Variants in SAFB2 observed in about 807,000 individuals in gnomAD.
The protein encoded by SAFB2 is scaffold attachment factor B2.
SAFB2 carries 32 observed loss-of-function variants against 100.6 expected under a neutral mutation model. That is an observed-to-expected ratio of 0.32 (90% CI 0.24 to 0.43). The LOEUF is 0.43. Among genes scored for constraint, SAFB2 ranks in the 20% least tolerant of loss-of-function variants. The probability of loss-of-function intolerance (pLI) is 1.00; values close to 1 mark genes in which losing one functional copy is unlikely to be tolerated. For synonymous variants in SAFB2, 500 were observed against 439.4 expected (o/e 1.14, Z -1.72); for missense variants, 1,185 against 1,163.4 (o/e 1.02, Z -0.27).
At chr19:5,613,438 G>C (rs1477635081) in intron 5 of SAFB2, 27 bp downstream of exon 5, 1 of 1,590,820 alleles carries the variant, frequency 6.3e-7, no homozygotes, top group Non-Finnish European at 8.6e-7. Flanking sequence ...AACATTTCCA[G>C]CGATGCAGAA....
chr19:5,594,181 G>GC lies in SAFB2; in HGVS notation c.1920-4dup, dbSNP rs1458978362. 1.3e-6 allele frequency: 2 copies of GC among 1,586,574 alleles called. No individual in the cohort carries two copies. On this transcript the variant is annotated splice_region_variant and splice_polypyrimidine_tract_variant and intron_variant, in intron 14 of 20. Transcript: ENST00000252542. ...CCCGCTCCCGCTGCTCGCGCTCCCT[G>GC]CGGGGACAGGTGAGGCTGCCCTGAA...
intron 15 of SAFB2, 80 bp downstream of exon 15, chr19:5,593,811 G>A: frequency 2.2e-6 from 3 of 1,340,784 alleles, no homozygotes; most frequent in South Asian, 3.3e-5. Context: ...GGGACGGAAG[G>A]GAAGCCGCTG....
At chr19:5,609,922 AC>A in intron 9 of SAFB2, 72 bp downstream of exon 9, 1 of 1,314,714 alleles carries the variant, frequency 7.6e-7, no homozygotes, top group South Asian at 1.2e-5. Context: ...ATAGACGTGA[AC>A]CACCGTGCCC....
intron 13 of SAFB2, 71 bp from the exon 14 acceptor site, chr19:5,595,568 G>A (rs2052519354): frequency 7.2e-6 from 11 of 1,537,586 alleles, no homozygotes; most frequent in East Asian, 6.7e-5. Context: ...GATTATGCAC[G>A]TGTGCATGAG....
chr19:5,605,070 G>A, intron 9 of SAFB2, 134 bp from the exon 10 acceptor site: 1 of 1,023,330 alleles, frequency 9.8e-7, no homozygotes, highest in Non-Finnish European at 1.4e-6. Context: ...TTTAGTTACT[G>A]AATTGGTTCT....
chr19:5,604,705 A>G lies in SAFB2; in HGVS notation c.1447-10T>C, dbSNP rs2052736190. ...CAGGCTCATTTTTGGCCTAAAATAT[A>G]ATAGACAGAAATGATGTGTGGCCCA... On this transcript the variant is annotated splice_polypyrimidine_tract_variant and intron_variant, in intron 10 of 20. Transcript: ENST00000252542. 1 of 1,614,104 alleles carries G rather than the reference A, an allele frequency of 6.2e-7. No individual in the cohort carries two copies. The highest frequency in any genetic ancestry group is 1.3e-5 in the African/African-American group (1 of 75,038).
At chr19:5,604,160 T>C (rs1343264184) in intron 11 of SAFB2, among the ~76,000 whole-genome samples, 1 of 152,188 alleles carries the variant, frequency 6.6e-6, no homozygotes, top group African/African-American at 2.4e-5. Context: ...CCTGTAATCC[T>C]AGCACTTTGA....
At position 5,587,838 on chromosome 19, in the gene SAFB2, C is replaced by T; in HGVS notation, c.2638+30G>A. 1 of 1,588,580 alleles carries T rather than the reference C, an allele frequency of 6.3e-7. No individual in the cohort carries two copies. The highest frequency in any genetic ancestry group is 8.6e-7 in the Non-Finnish European group (1 of 1,166,498). On this transcript the variant is annotated intron_variant, in intron 19 of 20. Transcript: ENST00000252542. The surrounding 1 kb of genome is among the most constrained non-coding windows in gnomAD (Gnocchi z 4.9). ...CCCTGGACACATGTGGGGGCCACAG[C>T]CACCCTCGTCCCTGGAGCCAGCCCC... is the stretch of plus-strand genomic sequence containing the variant.
intron 12 of SAFB2, among the ~76,000 whole-genome samples, 172 bp from the exon 13 acceptor site, chr19:5,599,056 G>A (rs1003829058): frequency 6.6e-6 from 1 of 152,082 alleles, no homozygotes; most frequent in Non-Finnish European, 1.5e-5. Flanking sequence ...ACGGTAACAC[G>A]GGCACAGCAT....
At chr19:5,591,647 G>T in intron 17 of SAFB2, 101 bp downstream of exon 17, 1 of 1,144,544 alleles carries the variant, frequency 8.7e-7, no homozygotes, top group Non-Finnish European at 1.3e-6. Flanking sequence ...TGACTTGGTT[G>T]CCACCTCTCT....
chr19:5,595,608 G>T, intron 13 of SAFB2, 111 bp from the exon 14 acceptor site: 1 of 1,348,730 alleles, frequency 7.4e-7, no homozygotes, highest in Non-Finnish European at 1.0e-6. Flanking sequence ...ACATGGTGTA[G>T]ATGGAAGGCT....
chr19:5,613,364 G>A (rs1219408415), intron 5 of SAFB2, 101 bp downstream of exon 5: 1 of 1,040,316 alleles, frequency 9.6e-7, no homozygotes, highest in East Asian at 2.5e-5. Context: ...ATCCAGCACA[G>A]TATCCAGTCA....
intron 13 of SAFB2, among the ~76,000 whole-genome samples, chr19:5,596,027 G>C (rs148816061): frequency 2.6e-5 from 4 of 152,344 alleles, no homozygotes; most frequent in Admixed American, 1.3e-4. Flanking sequence ...CATTTCAGGA[G>C]GCCAAGGTGG....
At chr19:5,605,538 C>T (rs976922609) in intron 9 of SAFB2, among the ~76,000 whole-genome samples, 1 of 152,236 alleles carries the variant, frequency 6.6e-6, no homozygotes, top group Non-Finnish European at 1.5e-5. Context: ...ATTGTTTTCT[C>T]TATTTCCACT....
At position 5,616,416 on chromosome 19, in the gene SAFB2, A is replaced by G. The variant is rs1185930847; in HGVS notation, c.339+6T>C. The G allele has an allele frequency of 1.2e-6, 2 of 1,613,620 alleles. No individual in the cohort carries two copies. Among genetic ancestry groups the G allele is most frequent in the East Asian group, 4.5e-5 (2 of 44,858 alleles). On this transcript the variant is annotated splice_donor_region_variant and intron_variant, in intron 3 of 20. Transcript: ENST00000252542. ...TGCTTGTCATCTCTACCCTGACATC[A>G]CTTACCTGCCCGTCTCTGGAATCGT...
At chr19:5,610,476 T>C in intron 8 of SAFB2, 163 bp downstream of exon 8, 1 of 642,834 alleles carries the variant, frequency 1.6e-6, no homozygotes, top group Non-Finnish European at 2.8e-6. Context: ...TGCAGGTGCT[T>C]GCGAACTTCT....
Position 5,600,178 on chromosome 19 carries a change from C to T in SAFB2, c.1642G>A (p.Asp548Asn). 1.2e-6 allele frequency: 2 copies of T among 1,614,140 alleles called. No individual in the cohort carries two copies. Among genetic ancestry groups the T allele is most frequent in the Non-Finnish European group, 1.7e-6 (2 of 1,180,016 alleles). ...EDIKKEEKDQ[D>N]ELKPGPTNRS... Reference sequence around the variant, plus strand: ...TTTGTAGGTCCGGGTTTCAGCTCATCCTGGTCTTTTTCTTCCTTCTTAATG... The same window carrying T: ...TTTGTAGGTCCGGGTTTCAGCTCATTCTGGTCTTTTTCTTCCTTCTTAATG... The change falls in exon 12 of 21, where the codon GAT becomes AAT. Residue 548 changes from aspartate (D) to asparagine (N), a missense_variant. Transcript: ENST00000252542.
At chr19:5,606,813 T>G (rs1035295903) in intron 9 of SAFB2, among the ~76,000 whole-genome samples, 2 of 152,164 alleles carry the variant, frequency 1.3e-5, no homozygotes, top group Non-Finnish European at 2.9e-5. Context: ...AACAAGAACG[T>G]ATCACCAGCA....
At chr19:5,607,288 CA>C (rs965414119) in intron 9 of SAFB2, among the ~76,000 whole-genome samples, 3 of 150,300 alleles carry the variant, frequency 2.0e-5, no homozygotes, top group South Asian at 2.1e-4. Context: ...AAAACAAAAA[CA>C]AAAAAAAACA....
Sources: allele counts gnomAD v4.1 joint callset (sites outside exome capture counted in the v4.1 genomes callset), GRCh38; gene constraint gnomAD v4.1.1; non-coding constraint Gnocchi (gnomAD v3.1); transcripts MANE v1.5; gene names NCBI Gene and HGNC (gene_info 2026-07-23, HGNC 2026-07-21).